Variants in GLB1 observed in about 807,000 individuals in gnomAD.
GLB1 encodes beta-galactosidase.
A neutral mutation model predicts 74.0 loss-of-function variants in GLB1; 56 were observed. The ratio of observed to expected loss-of-function variants is 0.76; its 90% CI spans 0.61 to 0.94. The LOEUF (loss-of-function observed/expected upper bound fraction) is 0.94, where lower values mean the gene tolerates loss of function less well. Among genes scored for constraint, GLB1 ranks in the 40% least tolerant of loss-of-function variants. GLB1 has a pLI of 0.00. For synonymous variants in GLB1, 323 were observed against 323.6 expected (o/e 1.00, Z 0.02); for missense variants, 787 against 845.5 (o/e 0.93, Z 0.86).
At chr3:33,001,782 T>C (rs1325669010) in intron 15 of GLB1, among the ~76,000 whole-genome samples, 2 of 152,218 alleles carry the variant, frequency 1.3e-5, no homozygotes, top group Non-Finnish European at 2.9e-5. Flanking sequence ...AGAGGTGACA[T>C]GAAGCCCTTC....
In GLB1 at chr3:33,016,765, G is replaced by A. The variant is rs775103521; in HGVS notation, c.1423C>T (p.Leu475Phe). 5.0e-6 allele frequency: 8 copies of A among 1,614,016 alleles called. No homozygotes were observed. In the Admixed American group the frequency reaches 5.0e-5, roughly 10 times the overall value. The change falls in exon 14 of 16, where the codon CTT becomes TTT. Residue 475 changes from leucine to phenylalanine, a missense_variant. Leu to Phe is a conservative substitution (Grantham distance 22). Transcript: ENST00000307363. ...ITGKAGATLD[L>F]LVENMGRVNY... The stretch of plus-strand genomic sequence containing the variant: ...ACACGTCCCATGTTCTCTACCAGAA[G>A]GTCCAGAGTGGCTCCAGCTTTCCCT...
At chr3:33,068,532 A>G (rs1207456922) in intron 3 of GLB1, among the ~76,000 whole-genome samples, 1 of 152,112 alleles carries the variant, frequency 6.6e-6, no homozygotes, top group African/African-American at 2.4e-5. Flanking sequence ...AGATTTTTCA[A>G]TTTAATTTCA....
At chr3:32,998,292 G>A (rs1008087782) in intron 15 of GLB1, among the ~76,000 whole-genome samples, 1 of 152,194 alleles carries the variant, frequency 6.6e-6, no homozygotes, top group Non-Finnish European at 1.5e-5. Flanking sequence ...CAGATCACCT[G>A]AGGTCAGGAG....
intron 9 of GLB1, among the ~76,000 whole-genome samples, chr3:33,050,270 T>C (rs992617451): frequency 3.9e-5 from 6 of 152,206 alleles, no homozygotes; most frequent in Non-Finnish European, 7.3e-5. Context: ...AGAGTTACCA[T>C]ATGACACAGC....
chr3:33,017,388 A>G (rs1019089043), intron 13 of GLB1, among the ~76,000 whole-genome samples: 1 of 152,258 alleles, frequency 6.6e-6, no homozygotes, highest in Non-Finnish European at 1.5e-5. Context: ...AAAAGGTTAG[A>G]CTTTAAAAAT....
At chr3:33,037,674 A>G (rs1163306872) in intron 10 of GLB1, among the ~76,000 whole-genome samples, 1 of 152,172 alleles carries the variant, frequency 6.6e-6, no homozygotes, top group Non-Finnish European at 1.5e-5. Context: ...ATGGCAGAAT[A>G]ATACTTCCTC....
chr3:33,096,921 CG>C, intron 1 of GLB1, 89 bp downstream of exon 1: 3 of 1,539,052 alleles, frequency 1.9e-6, no homozygotes, highest in Middle Eastern at 1.8e-4. Context: ...CCCCGCCCTG[CG>C]GGACCGCGGG....
At chr3:33,018,401 C>A (rs768224891) in intron 13 of GLB1, 47 bp downstream of exon 13, 1 of 1,582,730 alleles carries the variant, frequency 6.3e-7, no homozygotes, top group Non-Finnish European at 8.6e-7. Context: ...GGCTGCTCAT[C>A]CCCACCCTCA....
chr3:33,039,913 A>G (rs909385390), intron 10 of GLB1, among the ~76,000 whole-genome samples: 4 of 152,248 alleles, frequency 2.6e-5, no homozygotes, highest in African/African-American at 9.6e-5. Flanking sequence ...AAAACCAGTG[A>G]CAGGTGATTT....
chr3:33,035,510 A>G (rs1321005634), intron 10 of GLB1, among the ~76,000 whole-genome samples: 3 of 152,124 alleles, frequency 2.0e-5, no homozygotes, highest in East Asian at 1.9e-4. Flanking sequence ...CCCAAAACTC[A>G]TATGTTGAAA....
intron 1 of GLB1, 196 bp downstream of exon 1, chr3:33,096,815 C>A: frequency 7.3e-7 from 1 of 1,362,990 alleles, no homozygotes; most frequent in Non-Finnish European, 9.4e-7. Flanking sequence ...TGGAAGGACG[C>A]GCGCCCCGCC....
chr3:33,081,686 C>T (rs1413198247), intron 1 of GLB1, among the ~76,000 whole-genome samples: 3 of 152,188 alleles, frequency 2.0e-5, no homozygotes, highest in African/African-American at 4.8e-5. Context: ...CAGCATGGGA[C>T]CGCTTAACCA....
chr3:33,090,814 T>C, intron 1 of GLB1: 3 of 985,384 alleles, frequency 3.0e-6, no homozygotes, highest in Non-Finnish European at 3.6e-6. Flanking sequence ...CCTGTTTTCT[T>C]TCTGCTAATA....
intron 7 of GLB1, chr3:33,052,797 G>C (rs923787790): frequency 1.9e-5 from 3 of 154,022 alleles, no homozygotes; most frequent in African/African-American, 7.2e-5. Context: ...TTGGTCTAGA[G>C]AACAAAAAAG....
intron 6 of GLB1, among the ~76,000 whole-genome samples, chr3:33,054,131 G>C (rs1031832859): frequency 6.6e-6 from 1 of 152,194 alleles, no homozygotes; most frequent in Admixed American, 6.5e-5. Context: ...TTGAAGCAGA[G>C]AGCAAGCCCT....
At chr3:33,074,233 C>T (rs1404457529) in intron 1 of GLB1, among the ~76,000 whole-genome samples, 9 of 149,756 alleles carry the variant, frequency 6.0e-5, no homozygotes, top group East Asian at 2.0e-4. Context: ...TCCCTGGAAC[C>T]GGAGAGGTGG....
At chr3:32,966,517 G>A in the GLB1 span, among the ~76,000 whole-genome samples, 1 of 152,176 alleles carries the variant, frequency 6.6e-6, no homozygotes, top group Admixed American at 6.5e-5. Context: ...TAGGTAAGAA[G>A]GGAGTTGCCT....
chr3:33,068,101 G>A, intron 4 of GLB1, 129 bp downstream of exon 4: 1 of 1,337,088 alleles, frequency 7.5e-7, no homozygotes, highest in Non-Finnish European at 1.1e-6. Flanking sequence ...TGGCCAGCCT[G>A]GTCTCGAACT....
chr3:33,063,445 G>A (rs915845293), intron 5 of GLB1, among the ~76,000 whole-genome samples: 2 of 151,998 alleles, frequency 1.3e-5, no homozygotes, highest in Non-Finnish European at 2.9e-5. Flanking sequence ...AGGAGGAGGA[G>A]GGGGACAGAG....
Sources: allele counts gnomAD v4.1 joint callset (sites outside exome capture counted in the v4.1 genomes callset), GRCh38; gene constraint gnomAD v4.1.1; transcripts MANE v1.5; gene names NCBI Gene and HGNC (gene_info 2026-07-23, HGNC 2026-07-21).